Variants in COBLL1 observed in about 807,000 individuals in gnomAD.
COBLL1 encodes cordon-bleu protein-like 1.
In COBLL1, 50 loss-of-function variants were observed where a neutral mutation model predicts 94.8. That is an observed-to-expected ratio of 0.53 (90% CI 0.42 to 0.67). The LOEUF is 0.67. Ranked by LOEUF, COBLL1 falls within the 30% of genes least tolerant of loss-of-function variation. The pLI, the probability that COBLL1 is intolerant of heterozygous loss-of-function variation, is 0.00. For missense variants in COBLL1, 1,362 were observed against 1,348.7 expected (o/e 1.01, Z -0.15); for synonymous variants, 448 against 473.8 (o/e 0.95, Z 0.71).
chr2:164,751,099 T>C (rs1258764377), intron 2 of COBLL1, among the ~76,000 whole-genome samples: 1 of 152,072 alleles, frequency 6.6e-6, no homozygotes, highest in African/African-American at 2.4e-5. Context: ...CTCCTTGAGG[T>C]CATTCAGAAT....
chr2:164,749,292 AC>A (rs1222757697), intron 2 of COBLL1, among the ~76,000 whole-genome samples: 1 of 152,198 alleles, frequency 6.6e-6, no homozygotes, highest in East Asian at 1.9e-4. Context: ...AAAGTGCTAT[AC>A]AAAAAATATG....
intron 2 of COBLL1, among the ~76,000 whole-genome samples, chr2:164,659,331 G>A (rs1691033809): frequency 6.6e-6 from 1 of 152,174 alleles, no homozygotes; most frequent in African/African-American, 2.4e-5. Flanking sequence ...TTGAGGTCAG[G>A]ATCAGTTAAG....
intron 2 of COBLL1, among the ~76,000 whole-genome samples, chr2:164,798,290 A>C (rs1357378302): frequency 6.6e-6 from 1 of 152,188 alleles, no homozygotes. Context: ...GAAATATCAA[A>C]TTCCTCATAC....
At chr2:164,798,067 A>T (rs1462480070) in intron 2 of COBLL1, among the ~76,000 whole-genome samples, 1 of 152,202 alleles carries the variant, frequency 6.6e-6, no homozygotes, top group East Asian at 1.9e-4. Context: ...CAAAGTGGCC[A>T]ACAAATGTAA....
chr2:164,688,883 A>C (rs1264512621), intron 13 of COBLL1, among the ~76,000 whole-genome samples: 2 of 152,130 alleles, frequency 1.3e-5, no homozygotes. Context: ...CACTATTTTC[A>C]GACCTTACTT....
intron 2 of COBLL1, among the ~76,000 whole-genome samples, chr2:164,786,344 G>T (rs1688954976): frequency 6.6e-6 from 1 of 152,160 alleles, no homozygotes; most frequent in African/African-American, 2.4e-5. Context: ...TGTCCTAAAA[G>T]TCATGCCAAA....
At chr2:164,693,764 A>G (rs1307549277) in intron 12 of COBLL1, among the ~76,000 whole-genome samples, 1 of 152,178 alleles carries the variant, frequency 6.6e-6, no homozygotes, top group Non-Finnish European at 1.5e-5. Context: ...TTATATGTGA[A>G]AATGTACAAT....
chr2:164,839,230 C>T (rs967434137), intron 2 of COBLL1, among the ~76,000 whole-genome samples: 1 of 152,182 alleles, frequency 6.6e-6, no homozygotes, highest in Non-Finnish European at 1.5e-5. Flanking sequence ...TTTACAAATG[C>T]TTGACAAATT....
intron 11 of COBLL1, chr2:164,698,255 G>A (rs916215939): frequency 4.6e-5 from 7 of 151,666 alleles, no homozygotes; most frequent in African/African-American, 7.3e-5. Context: ...TGACTCAAGT[G>A]GAAAAGAATG....
intron 2 of COBLL1, among the ~76,000 whole-genome samples, chr2:164,829,024 T>C (rs73015557): frequency 0.036 from 5,442 of 152,236 alleles, 328 homozygotes; most frequent in African/African-American, 0.12. Context: ...TTTTGTCATT[T>C]TTCTCTTTTG....
At chr2:164,783,121 G>T (rs1397178544) in intron 2 of COBLL1, among the ~76,000 whole-genome samples, 1 of 152,144 alleles carries the variant, frequency 6.6e-6, no homozygotes, top group Non-Finnish European at 1.5e-5. Flanking sequence ...CAAGATGAAG[G>T]ACAGGCATGG....
At chr2:164,812,924 T>G (rs1433768914) in intron 2 of COBLL1, among the ~76,000 whole-genome samples, 5 of 152,132 alleles carry the variant, frequency 3.3e-5, no homozygotes, top group African/African-American at 4.8e-5. Flanking sequence ...AATTCATTTA[T>G]ACAAACTCAA....
intron 2 of COBLL1, among the ~76,000 whole-genome samples, chr2:164,759,370 T>C (rs1335247269): frequency 6.6e-6 from 1 of 152,106 alleles, no homozygotes; most frequent in Non-Finnish European, 1.5e-5. Flanking sequence ...AGTTTAGAAA[T>C]ACTAAAATCA....
At chr2:164,728,736 T>C (rs1685840457) in intron 4 of COBLL1, among the ~76,000 whole-genome samples, 1 of 152,044 alleles carries the variant, frequency 6.6e-6, no homozygotes, top group South Asian at 2.1e-4. Flanking sequence ...TAAGAGAACA[T>C]TAGCTATTGT....
intron 2 of COBLL1, among the ~76,000 whole-genome samples, chr2:164,751,633 C>T (rs1331560838): frequency 6.6e-6 from 1 of 152,048 alleles, no homozygotes; most frequent in Non-Finnish European, 1.5e-5. Context: ...AAGAAATTTG[C>T]CCCAAAGCGC....
At chr2:164,689,331 T>G (rs906261756) in intron 13 of COBLL1, among the ~76,000 whole-genome samples, 1 of 152,070 alleles carries the variant, frequency 6.6e-6, no homozygotes, top group Non-Finnish European at 1.5e-5. Flanking sequence ...GGTGCCAAGA[T>G]ATAGAGAAAC....
chr2:164,797,361 G>C (rs1197577204), intron 2 of COBLL1, among the ~76,000 whole-genome samples: 2 of 151,896 alleles, frequency 1.3e-5, no homozygotes. Flanking sequence ...TATAATGATG[G>C]CACTATTTCT....
At chr2:164,723,302 T>C (rs1274189961) in intron 5 of COBLL1, 1 of 152,182 alleles carries the variant, frequency 6.6e-6, no homozygotes, top group Non-Finnish European at 1.5e-5. Context: ...ATAATATTTA[T>C]ATAAAATTTT....
chr2:164,710,566 CTTT>C (rs11307875), intron 7 of COBLL1, among the ~76,000 whole-genome samples: 28 of 142,206 alleles, frequency 2.0e-4, no homozygotes, highest in Non-Finnish European at 2.5e-4. Context: ...CAGCAGCATT[CTTT>C]TTTTTTTTTT....
Sources: gnomAD v4.1 joint callset for allele counts (sites outside exome capture counted in the v4.1 genomes callset) on GRCh38, gnomAD v4.1.1 for gene constraint, MANE v1.5 for transcripts, NCBI Gene and HGNC (gene_info 2026-07-23, HGNC 2026-07-21) for gene names.